GABRB1: variants seen among roughly 807,000 people sequenced by gnomAD.
GABRB1 encodes the protein gamma-aminobutyric acid receptor subunit beta-1.
A neutral mutation model predicts 51.6 loss-of-function variants in GABRB1; 17 were observed. The observed-to-expected ratio is 0.33, with a 90% confidence interval of 0.23 to 0.49. The LOEUF (loss-of-function observed/expected upper bound fraction) is 0.49. Ranked by LOEUF, GABRB1 falls within the 20% of genes least tolerant of loss-of-function variation. GABRB1 has a pLI of 0.99. For missense variants in GABRB1, 410 were observed against 600.6 expected (o/e 0.68, Z 3.32); for synonymous variants, 247 against 218.9 (o/e 1.13, Z -1.14).
intron 3 of GABRB1, among the ~76,000 whole-genome samples, chr4:47,040,097 T>C (rs954809386): frequency 6.6e-6 from 1 of 152,292 alleles, no homozygotes; most frequent in African/African-American, 2.4e-5. Flanking sequence ...AAATCTTACA[T>C]GTATGTGTCC....
At chr4:47,205,355 C>T (rs1720073303) in intron 4 of GABRB1, among the ~76,000 whole-genome samples, 1 of 152,120 alleles carries the variant, frequency 6.6e-6, no homozygotes, top group Non-Finnish European at 1.5e-5. Context: ...GATTAAGTCA[C>T]ATATTTAGAT....
chr4:47,250,117 C>T (rs1721927111), intron 4 of GABRB1, among the ~76,000 whole-genome samples: 2 of 152,120 alleles, frequency 1.3e-5, no homozygotes, highest in Admixed American at 6.6e-5. Context: ...TTTAGAGCTC[C>T]TTTTAACAGT....
intron 3 of GABRB1, among the ~76,000 whole-genome samples, chr4:47,074,745 G>C (rs931439343): frequency 3.3e-5 from 5 of 152,136 alleles, no homozygotes; most frequent in African/African-American, 9.7e-5. Flanking sequence ...CGAATATATA[G>C]TTGTCATAAA....
At chr4:47,008,853 CTTTTTT>C (rs1491180948) in intron 1 of GABRB1, among the ~76,000 whole-genome samples, 1 of 80,066 alleles carries the variant, frequency 1.2e-5, no homozygotes, top group African/African-American at 5.3e-5. Flanking sequence ...CAGATACTAC[CTTTTTT>C]TTTTTTTTTT....
chr4:47,424,891 C>T (rs1256740765), intron 8 of GABRB1, among the ~76,000 whole-genome samples: 4 of 152,176 alleles, frequency 2.6e-5, no homozygotes. Flanking sequence ...ACTGGAACTA[C>T]AGGAAGCATC....
At chr4:47,166,365 G>A (rs1197969596) in intron 4 of GABRB1, among the ~76,000 whole-genome samples, 4 of 151,710 alleles carry the variant, frequency 2.6e-5, no homozygotes, top group African/African-American at 9.7e-5. Context: ...CAGCAAGAAG[G>A]ACCCTTCTTC....
chr4:47,252,710 A>G (rs569024601), intron 4 of GABRB1, among the ~76,000 whole-genome samples: 23 of 151,584 alleles, frequency 1.5e-4, no homozygotes, highest in African/African-American at 3.4e-4. Flanking sequence ...CTTTCACCAT[A>G]TTGGCCAGGC....
intron 5 of GABRB1, among the ~76,000 whole-genome samples, chr4:47,323,981 A>G (rs945703520): frequency 2.0e-5 from 3 of 152,186 alleles, no homozygotes; most frequent in Non-Finnish European, 4.4e-5. Flanking sequence ...TAGCAGTATC[A>G]TGTGAGGGTT....
chr4:47,424,910 A>G (rs1374243302), intron 8 of GABRB1, among the ~76,000 whole-genome samples: 1 of 152,226 alleles, frequency 6.6e-6, no homozygotes, highest in African/African-American at 2.4e-5. Context: ...TCAGTGAACA[A>G]CAGTAGAGGA....
intron 4 of GABRB1, among the ~76,000 whole-genome samples, chr4:47,294,898 T>C (rs1404583386): frequency 6.6e-6 from 1 of 152,142 alleles, no homozygotes; most frequent in Non-Finnish European, 1.5e-5. Context: ...CGGGTACTCC[T>C]CTGAGACAAA....
intron 4 of GABRB1, among the ~76,000 whole-genome samples, chr4:47,246,299 TACACACACACAC>T (rs59187371): frequency 1.2e-5 from 1 of 84,168 alleles, no homozygotes; most frequent in Non-Finnish European, 2.3e-5. Context: ...TATATATATA[TACACACACACAC>T]ACACACACAC....
At chr4:47,144,010 T>C (rs1717047442) in intron 3 of GABRB1, among the ~76,000 whole-genome samples, 2 of 151,968 alleles carry the variant, frequency 1.3e-5, no homozygotes, top group South Asian at 2.1e-4. Flanking sequence ...TTTTCATTGA[T>C]GGTATTTGAT....
chr4:47,282,950 G>C (rs559124295), intron 4 of GABRB1, among the ~76,000 whole-genome samples: 1 of 152,302 alleles, frequency 6.6e-6, no homozygotes, highest in East Asian at 1.9e-4. Flanking sequence ...TAATTGGGCT[G>C]AACTATGTGC....
At chr4:47,087,660 ATAT>A (rs1019772674) in intron 3 of GABRB1, among the ~76,000 whole-genome samples, 6 of 152,148 alleles carry the variant, frequency 3.9e-5, no homozygotes, top group African/African-American at 1.4e-4. Flanking sequence ...TCATCCCCTA[ATAT>A]TATGGAGTTT....
intron 1 of GABRB1, among the ~76,000 whole-genome samples, chr4:47,018,765 T>C (rs1724823957): frequency 6.6e-6 from 1 of 152,122 alleles, no homozygotes; most frequent in Non-Finnish European, 1.5e-5. Flanking sequence ...AAGTGGATCA[T>C]CCTAAAGATC....
At position 47,166,051 on chromosome 4, in the gene GABRB1, A is replaced by G. The variant is rs368615902; in HGVS notation, c.461+4582A>G. ...ACTTCCTGGCCCATTTCCTATCTCA[A>G]TTTTTCTCATTATTGCCATCTTATT... On this transcript the variant is annotated intron_variant, in intron 4 of 8. Transcript: ENST00000295454. Among the ~76,000 whole-genome samples, 10 of 151,426 alleles carry G rather than the reference A, an allele frequency of 6.6e-5. No homozygotes were observed. The South Asian group carries it at 1.7e-3, about 25-fold the overall frequency.
chr4:47,130,325 C>CTGTGTG (rs67244692), intron 3 of GABRB1, among the ~76,000 whole-genome samples: 30 of 133,736 alleles, frequency 2.2e-4, no homozygotes, highest in East Asian at 6.8e-4. Flanking sequence ...GCTCCAGATA[C>CTGTGTG]TGTGTGTGTG....
At chr4:47,028,815 G>GTATATATGGTATATATACA (rs765187133), upstream of GABRB1, among the ~76,000 whole-genome samples, 4,672 of 145,604 alleles carry the variant, frequency 0.032, 268 homozygotes, top group East Asian at 0.14. Context: ...GTATATATAT[G>GTATATATGGTATATATACA]TATATATGGT....
At chr4:47,082,082 T>C (rs1466191650) in intron 3 of GABRB1, among the ~76,000 whole-genome samples, 1 of 152,066 alleles carries the variant, frequency 6.6e-6, no homozygotes, top group African/African-American at 2.4e-5. Context: ...AAGGTAGTGA[T>C]ATAGATAATA....
Sources: allele counts gnomAD v4.1 joint callset (sites outside exome capture counted in the v4.1 genomes callset), GRCh38; gene constraint gnomAD v4.1.1; transcripts MANE v1.5; gene names NCBI Gene and HGNC (gene_info 2026-07-23, HGNC 2026-07-21).